The following RABEP1 variants were observed in gnomAD, a reference collection of about 807,000 sequenced individuals.
RABEP1 encodes rab GTPase-binding effector protein 1.
A neutral mutation model predicts 123.4 loss-of-function variants in RABEP1; 51 were observed. The observed-to-expected ratio is 0.41, with a 90% CI of 0.33 to 0.52. The LOEUF is 0.52. Among genes scored for constraint, RABEP1 ranks in the 20% least tolerant of loss-of-function variants. RABEP1 has a pLI of 0.16. For missense variants in RABEP1, 888 were observed against 996.3 expected, an observed-to-expected ratio of 0.89 and a Z score of 1.46; for synonymous variants, 347 against 355.2, an observed-to-expected ratio of 0.98 and a Z score of 0.26.
chr17:5,300,022 C>T (rs1338658951), intron 1 of RABEP1, among the ~76,000 whole-genome samples: 4 of 152,062 alleles, frequency 2.6e-5, no homozygotes, highest in African/African-American at 9.7e-5. Flanking sequence ...GCCACCGTGC[C>T]TGGCCTACAC....
chr17:5,306,157 C>T (rs954364971), intron 1 of RABEP1, among the ~76,000 whole-genome samples: 1 of 152,268 alleles, frequency 6.6e-6, no homozygotes, highest in Middle Eastern at 3.4e-3. Context: ...CTTAGCCTAG[C>T]TACCTTAAAT....
At chr17:5,330,876 T>C (rs897102871) in intron 2 of RABEP1, among the ~76,000 whole-genome samples, 1 of 151,748 alleles carries the variant, frequency 6.6e-6, no homozygotes, top group Non-Finnish European at 1.5e-5. Context: ...TTTCAAAAAT[T>C]AGCCGGGCGT....
intron 2 of RABEP1, among the ~76,000 whole-genome samples, chr17:5,321,641 AC>A (rs772695703): frequency 1.1e-4 from 17 of 152,314 alleles, no homozygotes; most frequent in Admixed American, 4.6e-4. Flanking sequence ...AACCCACTTT[AC>A]CTGTAAAGAT....
intron 17 of RABEP1, chr17:5,381,765 G>A (rs1032251808): frequency 3.1e-6 from 1 of 320,834 alleles, no homozygotes. Flanking sequence ...TACCATGTAA[G>A]ACTCTTCCCA....
intron 15 of RABEP1, among the ~76,000 whole-genome samples, chr17:5,379,091 C>G (rs1911233881): frequency 6.6e-6 from 1 of 152,172 alleles, no homozygotes. Context: ...TTCATGTGTC[C>G]TAAGTTGCGT....
At chr17:5,364,663 G>A (rs1311789701) in intron 10 of RABEP1, among the ~76,000 whole-genome samples, 1 of 151,006 alleles carries the variant, frequency 6.6e-6, no homozygotes, top group East Asian at 1.9e-4. Context: ...ACCCCAGGAG[G>A]TGGAGGTTGC....
At chr17:5,310,194 C>T (rs1439689426) in intron 2 of RABEP1, among the ~76,000 whole-genome samples, 3 of 151,772 alleles carry the variant, frequency 2.0e-5, no homozygotes, top group African/African-American at 4.8e-5. Flanking sequence ...TACTTACATA[C>T]AACCTTCATA....
chr17:5,352,108 A>G (rs1448702531), intron 7 of RABEP1, among the ~76,000 whole-genome samples: 1 of 151,930 alleles, frequency 6.6e-6, no homozygotes, highest in Non-Finnish European at 1.5e-5. Context: ...TTGTTTTGCA[A>G]AGTTTCTTCT....
chr17:5,363,735 CCTT>C (rs1465788689), intron 10 of RABEP1, among the ~76,000 whole-genome samples: 1 of 152,120 alleles, frequency 6.6e-6, no homozygotes, highest in Non-Finnish European at 1.5e-5. Context: ...GAATTTGTGT[CCTT>C]CAGTGCATAT....
chr17:5,383,064 A>AC, intron 17 of RABEP1, 58 bp from the exon 18 acceptor site: 1 of 1,452,998 alleles, frequency 6.9e-7, no homozygotes, highest in South Asian at 1.1e-5. Flanking sequence ...TAAACCAGTC[A>AC]AAGTTCAGAA....
intron 2 of RABEP1, among the ~76,000 whole-genome samples, chr17:5,324,597 T>A (rs1905785437): frequency 6.6e-6 from 1 of 152,152 alleles, no homozygotes; most frequent in Admixed American, 6.5e-5. Flanking sequence ...CTAAGAAGCC[T>A]CTGCACAATA....
chr17:5,291,774 G>C (rs767966128), intron 1 of RABEP1, among the ~76,000 whole-genome samples: 2 of 152,202 alleles, frequency 1.3e-5, no homozygotes, highest in Non-Finnish European at 2.9e-5. Flanking sequence ...CTGATGGTGT[G>C]CGCCTGTAAT....
chr17:5,351,308 T>G (rs1232711423), intron 7 of RABEP1, among the ~76,000 whole-genome samples: 1 of 152,038 alleles, frequency 6.6e-6, no homozygotes, highest in Non-Finnish European at 1.5e-5. Flanking sequence ...TATCATAAAT[T>G]TTTTGTTTTA....
In RABEP1 at chr17:5,338,028, G is replaced by T; in HGVS notation, c.538G>T (p.Asp180Tyr). The change falls in exon 5 of 18, where the codon GAT becomes TAT. Residue 180 changes from aspartate (D) to tyrosine (Y), a missense_variant. Transcript: ENST00000537505. The part of the protein sequence containing the change: ...LENEMKKAQE[D>Y]AEKLRSVVMP... The stretch of plus-strand genomic sequence containing the variant: ...TTCTTTTTAACCATAGGCCCAAGAG[G>T]ATGCTGAGAAACTTCGGTCCGTTGT... 1 of 1,612,852 alleles carries T rather than the reference G, an allele frequency of 6.2e-7. No homozygotes were observed. The highest frequency in any genetic ancestry group is 8.5e-7 in the Non-Finnish European group (1 of 1,179,416).
At chr17:5,380,234 AG>A in intron 15 of RABEP1, 129 bp from the exon 16 acceptor site, 1 of 619,136 alleles carries the variant, frequency 1.6e-6, no homozygotes, top group Non-Finnish European at 2.8e-6. Flanking sequence ...CAGAGCTGAA[AG>A]GGTGAGAGGA....
chr17:5,384,922 A>T lies in RABEP1; in HGVS notation c.*1699A>T, dbSNP rs932514624. The stretch of plus-strand genomic sequence containing the variant: ...TAGTCCCTTGGATAAGCCCCAAGCG[A>T]ATTTGTCTTCAGATTATTAAAATTA... On this transcript the variant is annotated 3_prime_UTR_variant, in exon 18 of 18. Transcript: ENST00000537505. The T allele has an allele frequency of 1.8e-5, 4 of 224,998 alleles. No homozygotes were observed. The highest frequency in any genetic ancestry group is 2.2e-5 in the African/African-American group (1 of 44,942). 13.9% of individuals were successfully genotyped at this position (224,998 alleles called of 1,614,324 possible).
intron 5 of RABEP1, among the ~76,000 whole-genome samples, chr17:5,343,739 G>A (rs1214971754): frequency 7.6e-6 from 1 of 130,932 alleles, no homozygotes; most frequent in African/African-American, 2.9e-5. Flanking sequence ...GTAGTGGCAT[G>A]ATCTTGGCTC....
At chr17:5,348,296 A>G (rs540907627) in intron 6 of RABEP1, among the ~76,000 whole-genome samples, 4 of 152,140 alleles carry the variant, frequency 2.6e-5, no homozygotes, top group Non-Finnish European at 5.9e-5. Context: ...GCTTCTTAAA[A>G]GAAGTTGTTC....
At position 5,386,219 on chromosome 17, in the gene RABEP1, T is replaced by C. The variant is rs752602041; in HGVS notation, c.*2996T>C. 1 of 1,613,502 alleles carries C rather than the reference T, an allele frequency of 6.2e-7. No individual in the cohort carries two copies. Among genetic ancestry groups the C allele is most frequent in the South Asian group, 1.1e-5 (1 of 90,934 alleles). On this transcript the variant is annotated 3_prime_UTR_variant, in exon 18 of 18. Transcript: ENST00000537505. ...CTCCTGGTGGTGTCAGAAGTTTACA[T>C]GATTGCGGATATCATTGATTTGCTT...
Sources: gnomAD v4.1 joint callset for allele counts (sites outside exome capture counted in the v4.1 genomes callset) on GRCh38, gnomAD v4.1.1 for gene constraint, MANE v1.5 for transcripts, NCBI Gene and HGNC (gene_info 2026-07-23, HGNC 2026-07-21) for gene names.